Variants in EFL1 observed in about 807,000 individuals in gnomAD.
EFL1 encodes the protein elongation factor like GTPase 1, also known as elongation factor-like GTPase 1.
A neutral mutation model predicts 126.7 loss-of-function variants in EFL1; 76 were observed. The observed-to-expected ratio is 0.60, with a 90% confidence interval of 0.50 to 0.73. The LOEUF (loss-of-function observed/expected upper bound fraction) is 0.73. Among genes scored for constraint, EFL1 ranks in the 30% least tolerant of loss-of-function variants. The probability of loss-of-function intolerance (pLI) is 0.00; values close to 1 mark genes in which losing one functional copy is unlikely to be tolerated. For missense variants in EFL1, 1,128 were observed against 1,343.2 expected, an observed-to-expected ratio of 0.84 and a Z score of 2.50; for synonymous variants, 410 against 448.4, an observed-to-expected ratio of 0.91 and a Z score of 1.08.
At chr15:82,200,713 T>G (rs188469055) in intron 15 of EFL1, among the ~76,000 whole-genome samples, 2 of 152,152 alleles carry the variant, frequency 1.3e-5, no homozygotes, top group African/African-American at 4.8e-5. Flanking sequence ...GCTCTGGGAG[T>G]TGAATAATCC....
At chr15:82,215,922 T>C (rs1343429192) in intron 14 of EFL1, among the ~76,000 whole-genome samples, 1 of 152,034 alleles carries the variant, frequency 6.6e-6, no homozygotes, top group South Asian at 2.1e-4. Context: ...GCTGGAGAGA[T>C]AGAAAAATTA....
chr15:82,209,316 G>GACACACAGACACAC (rs2074559162), intron 15 of EFL1, among the ~76,000 whole-genome samples: 1 of 146,240 alleles, frequency 6.8e-6, no homozygotes, highest in African/African-American at 2.5e-5. Context: ...CACAGACACA[G>GACACACAGACACAC]ACACACACAC....
At position 82,240,537 on chromosome 15, in the gene EFL1, G is replaced by C; in HGVS notation, c.397C>G (p.Gln133Glu). ...VCPQTQAVLR[Q>E]AWLENIRPVL... ...GGACGGATGTTTTCAAGCCAAGCTTGTCGCAGAACTGCCTGTGTCTGATAA... is the reference window on the plus strand; with the variant it reads ...GGACGGATGTTTTCAAGCCAAGCTTCTCGCAGAACTGCCTGTGTCTGATAA... The change falls in exon 6 of 20, where the codon CAA becomes GAA. Residue 133 changes from glutamine (Q) to glutamate (E), a missense_variant. Gln to Glu is a conservative substitution (Grantham distance 29). This residue lies in a region of EFL1 where 118 missense variants were observed against 188.1 expected (regional missense o/e 0.63). Transcript: ENST00000268206. The C allele has an allele frequency of 6.2e-7, 1 of 1,613,846 alleles. No homozygotes were observed.
chr15:82,178,188 G>C (rs368371652), intron 15 of EFL1, among the ~76,000 whole-genome samples: 1 of 152,192 alleles, frequency 6.6e-6, no homozygotes, highest in Non-Finnish European at 1.5e-5. Context: ...CATCTTTGAA[G>C]AAGCTTTCAC....
At chr15:82,156,004 T>C (rs918202215) in intron 17 of EFL1, among the ~76,000 whole-genome samples, 7 of 152,206 alleles carry the variant, frequency 4.6e-5, no homozygotes, top group African/African-American at 1.7e-4. Context: ...ATAAAGGTCT[T>C]CTCTAACCCT....
At chr15:82,220,012 A>G in intron 13 of EFL1, 66 bp downstream of exon 13, 1 of 1,526,614 alleles carries the variant, frequency 6.6e-7, no homozygotes. Flanking sequence ...GAACTAAAGG[A>G]TGAGTGTCCC....
intron 3 of EFL1, among the ~76,000 whole-genome samples, chr15:82,255,843 T>C (rs926740340): frequency 2.6e-5 from 4 of 152,226 alleles, no homozygotes; most frequent in Admixed American, 6.5e-5. Flanking sequence ...CATCAACACA[T>C]TGATAAGTCT....
chr15:82,191,024 T>TA lies in EFL1; in HGVS notation c.1750+23692dup, dbSNP rs572482476. 6.6e-4 allele frequency among the ~76,000 whole-genome samples: 95 copies of TA among 143,850 alleles called. No individual in the cohort carries two copies. The East Asian group carries it at 7.0e-3, about 11-fold the overall frequency. 94.4% of individuals were successfully genotyped at this position (143,850 alleles called of 152,430 possible). The stretch of plus-strand genomic sequence containing the variant: ...CATCTTATTGGTATCCCTACTGTAA[T>TA]AAAAAAAAAAGGGGGGGGAGTTTAT... On this transcript the variant is annotated intron_variant, in intron 15 of 19. Coordinates refer to ENST00000268206, the MANE Select transcript of EFL1 (RefSeq NM_024580.6).
chr15:82,213,426 G>A (rs1401217491), intron 15 of EFL1, among the ~76,000 whole-genome samples: 2 of 152,144 alleles, frequency 1.3e-5, no homozygotes, highest in African/African-American at 4.8e-5. Flanking sequence ...AGAGAGAAAT[G>A]GTATCTCTCC....
intron 18 of EFL1, among the ~76,000 whole-genome samples, chr15:82,139,709 C>A (rs1313689980): frequency 6.6e-6 from 1 of 152,222 alleles, no homozygotes; most frequent in Non-Finnish European, 1.5e-5. Context: ...CCTTCTCTTT[C>A]ACCTGCTGCC....
intron 15 of EFL1, among the ~76,000 whole-genome samples, chr15:82,179,941 C>A (rs1029475544): frequency 2.6e-5 from 4 of 152,048 alleles, no homozygotes; most frequent in African/African-American, 9.7e-5. Context: ...AATACTAGGT[C>A]CCTGGTCTAC....
In EFL1 at chr15:82,151,864, C is replaced by A; in HGVS notation, c.2590G>T (p.Asp864Tyr). ...CCACTCACAATGCTATTGCCCAAAT[C>A]TCGGTATCTACTGGCTTCTTTTGAA... ...KASKEASRYR[D>Y]LGNSIVSGFQ... Residue 864 changes from aspartate to tyrosine, a missense_variant, in exon 18 of 20, where the codon GAT (aspartate) becomes TAT (tyrosine). Physicochemically the swap from Asp to Tyr is radical, Grantham distance 160 (BLOSUM62 -3). This residue lies in a region of EFL1 where 561 missense variants were observed against 641.7 expected (regional missense o/e 0.87). Coordinates refer to ENST00000268206, the MANE Select transcript of EFL1 (RefSeq NM_024580.6). The A allele has an allele frequency of 6.2e-7, 1 of 1,614,162 alleles. No individual in the cohort carries two copies. Among genetic ancestry groups the A allele is most frequent in the South Asian group, 1.1e-5 (1 of 91,074 alleles).
At chr15:82,246,925 G>C (rs1210638866) in intron 4 of EFL1, among the ~76,000 whole-genome samples, 1 of 152,136 alleles carries the variant, frequency 6.6e-6, no homozygotes, top group East Asian at 1.9e-4. Context: ...CAGTCTGGAG[G>C]ACCACTTGAG....
chr15:82,250,221 T>C (rs979455166), intron 4 of EFL1, among the ~76,000 whole-genome samples: 7 of 131,536 alleles, frequency 5.3e-5, no homozygotes, highest in African/African-American at 2.1e-4. Context: ...TCAAGTGCTC[T>C]GAGAGGATAT....
chr15:82,215,829 AATG>A (rs952290899), intron 14 of EFL1, among the ~76,000 whole-genome samples: 20 of 152,332 alleles, frequency 1.3e-4, no homozygotes, highest in Non-Finnish European at 2.4e-4. Context: ...ATTTCATGAA[AATG>A]ATGACCTTTC....
chr15:82,148,339 T>C (rs1023827023), intron 18 of EFL1, among the ~76,000 whole-genome samples: 15 of 149,912 alleles, frequency 1.0e-4, no homozygotes, highest in African/African-American at 3.0e-4. Flanking sequence ...GACCATGCCA[T>C]TGCACTCCAG....
At chr15:82,210,542 C>T (rs954160813) in intron 15 of EFL1, among the ~76,000 whole-genome samples, 3 of 152,068 alleles carry the variant, frequency 2.0e-5, no homozygotes, top group Non-Finnish European at 2.9e-5. Context: ...ATGACTTTAG[C>T]CCCCAGGCTT....
chr15:82,246,121 G>A (rs1262897095), intron 4 of EFL1, among the ~76,000 whole-genome samples: 2 of 151,988 alleles, frequency 1.3e-5, no homozygotes, highest in African/African-American at 2.4e-5. Flanking sequence ...GGCCTCACCC[G>A]CTTTTGGTTT....
At chr15:82,138,920 CT>C in intron 18 of EFL1, 78 bp from the exon 19 acceptor site, 1 of 1,288,202 alleles carries the variant, frequency 7.8e-7, no homozygotes. Flanking sequence ...TACCCATATA[CT>C]CTGTAACAAT....
Sources: allele counts gnomAD v4.1 joint callset (sites outside exome capture counted in the v4.1 genomes callset), GRCh38; gene constraint gnomAD v4.1.1; regional missense constraint gnomAD v4.1.1; transcripts MANE v1.5; gene names NCBI Gene and HGNC (gene_info 2026-07-23, HGNC 2026-07-21).